The following MYO18B variants were observed in gnomAD, a reference collection of about 807,000 sequenced individuals.
The protein encoded by MYO18B is unconventional myosin-XVIIIb.
MYO18B carries 204 observed loss-of-function variants against 273.0 expected under a neutral mutation model. The ratio of observed to expected loss-of-function variants is 0.75; its 90% CI spans 0.67 to 0.84. The LOEUF (loss-of-function observed/expected upper bound fraction) is 0.84, where lower values mean the gene tolerates loss of function less well. MYO18B is among the 40% of genes least tolerant of loss of function. The pLI is 0.00. For missense variants in MYO18B, 3,212 were observed against 3,287.6 expected, an observed-to-expected ratio of 0.98 and a Z score of 0.56; for synonymous variants, 1,330 against 1,305.7, an observed-to-expected ratio of 1.02 and a Z score of -0.40.
intron 37 of MYO18B, among the ~76,000 whole-genome samples, 169 bp from the exon 38 acceptor site, chr22:25,952,117 T>C (rs762116554): frequency 6.6e-6 from 1 of 152,194 alleles, no homozygotes; most frequent in Non-Finnish European, 1.5e-5. Context: ...GTCCCAAGAT[T>C]GACACCTGGC....
chr22:26,025,861 C>G (rs1000396046), intron 42 of MYO18B, among the ~76,000 whole-genome samples: 10 of 152,246 alleles, frequency 6.6e-5, no homozygotes, highest in Admixed American at 1.3e-4. Flanking sequence ...TAGAAACCGT[C>G]TGTCCTCTTG....
Position 25,823,683 on chromosome 22 carries a change from A to G in MYO18B, c.2695+5A>G, listed in dbSNP as rs370714638. 6.4e-5 allele frequency: 104 copies of G among 1,613,666 alleles called. No individual in the cohort carries two copies. In the African/African-American group the frequency reaches 8.7e-4, roughly 13 times the overall value. On this transcript the variant is annotated splice_donor_5th_base_variant and intron_variant, in intron 13 of 43. Transcript: ENST00000335473. ...AGGATGAGGAAACCAGCTCAGGTAC[A>G]TGGCTGCTGCCTCTTTGGGTGAGCT...
chr22:25,888,218 C>T (rs945590383), intron 25 of MYO18B, among the ~76,000 whole-genome samples: 9 of 152,088 alleles, frequency 5.9e-5, no homozygotes, highest in African/African-American at 2.2e-4. Context: ...CTGAATTATG[C>T]TTTAGAGATC....
chr22:25,755,245 T>TA (rs2086076044), intron 1 of MYO18B, among the ~76,000 whole-genome samples: 1 of 152,184 alleles, frequency 6.6e-6, no homozygotes, highest in Non-Finnish European at 1.5e-5. Flanking sequence ...TCACTCTTGT[T>TA]ACCCAGGCTG....
intron 21 of MYO18B, among the ~76,000 whole-genome samples, chr22:25,861,422 A>G (rs1245416490): frequency 6.6e-6 from 1 of 152,110 alleles, no homozygotes; most frequent in Non-Finnish European, 1.5e-5. Context: ...TTTGTTTTCA[A>G]TTTTAAACAA....
At chr22:25,799,138 T>TGTGTGTGTGTGG (rs2088068227) in intron 12 of MYO18B, among the ~76,000 whole-genome samples, 1 of 150,272 alleles carries the variant, frequency 6.7e-6, no homozygotes, top group African/African-American at 2.5e-5. Context: ...CGTTTGTGTG[T>TGTGTGTGTGTGG]GTGTGTGTGT....
rs761679103 is a variant in MYO18B at position 25,777,700 on chromosome 22, G to T, written c.1987G>T (p.Gly663Cys). ...GAGCATTGTGGCCCTGGGCTGGAGTGGCGCTGGGAAGACCACCTGCTGTGA... is the reference window on the plus strand; with the variant it reads ...GAGCATTGTGGCCCTGGGCTGGAGTTGCGCTGGGAAGACCACCTGCTGTGA... ...DQSIVALGWS[G>C]AGKTTCCEQV... Residue 663 changes from glycine (G) to cysteine (C), a missense_variant, in exon 8 of 44, where the codon GGC becomes TGC. Coordinates refer to ENST00000335473, the MANE Select transcript of MYO18B (RefSeq NM_032608.7). The T allele has an allele frequency of 7.4e-6, 12 of 1,612,838 alleles. No individual in the cohort carries two copies. Among genetic ancestry groups the T allele is most frequent in the Non-Finnish European group, 1.0e-5 (12 of 1,179,308 alleles).
At chr22:25,999,989 A>G (rs1484622471) in intron 40 of MYO18B, among the ~76,000 whole-genome samples, 1 of 152,150 alleles carries the variant, frequency 6.6e-6, no homozygotes, top group Admixed American at 6.5e-5. Flanking sequence ...CACCAAGGGG[A>G]GAGAAAACCA....
chr22:25,896,326 T>C (rs1272449711), intron 28 of MYO18B: 1 of 152,170 alleles, frequency 6.6e-6, no homozygotes, highest in Non-Finnish European at 1.5e-5. Flanking sequence ...CTGAGGTGCA[T>C]GCAGTTCTTT....
chr22:25,952,501 A>G (rs1242811177), intron 38 of MYO18B, 78 bp downstream of exon 38: 2 of 1,549,434 alleles, frequency 1.3e-6, no homozygotes, highest in Non-Finnish European at 1.8e-6. Flanking sequence ...TCCTTCTACT[A>G]CTCATCTATC....
rs371274815 is a variant in MYO18B, at chr22:26,026,506, C to T, written c.6532C>T (p.Arg2178Trp). ...GTCGGCATTGGCACTGAGCAGAGCC[C>T]GGTCCACCAATGTCCACAGCAAGAC... The part of the protein sequence containing the change: ...TQSALALSRA[R>W]STNVHSKTSG... Residue 2178 changes from arginine (R) to tryptophan (W), a missense_variant, in exon 43 of 44, where the codon CGG becomes TGG. Transcript: ENST00000335473. 8.7e-6 allele frequency: 14 copies of T among 1,613,852 alleles called. No homozygotes were observed. The highest frequency in any genetic ancestry group is 5.0e-5 in the Admixed American group (3 of 60,010).
chr22:25,996,319 T>G (rs961771182), intron 40 of MYO18B, among the ~76,000 whole-genome samples: 118 of 152,330 alleles, frequency 7.7e-4, no homozygotes, highest in African/African-American at 2.6e-3. Flanking sequence ...GATAAAGTTT[T>G]ACTGAGCACC....
intron 40 of MYO18B, 145 bp downstream of exon 40, chr22:25,992,638 G>A (rs1230862079): frequency 2.9e-5 from 31 of 1,082,796 alleles, no homozygotes; most frequent in Non-Finnish European, 4.0e-5. Flanking sequence ...GTTTACTTGG[G>A]TAAGGAGAGA....
At chr22:25,746,690 C>G (rs112540900) in intron 1 of MYO18B, among the ~76,000 whole-genome samples, 28 of 152,310 alleles carry the variant, frequency 1.8e-4, no homozygotes, top group African/African-American at 6.3e-4. Flanking sequence ...TAGCCATGAA[C>G]CACGTGGCTC....
chr22:26,018,381 C>T lies in MYO18B; in HGVS notation c.6471-8064C>T, dbSNP rs117275364. On this transcript the variant is annotated intron_variant, in intron 42 of 43. Transcript: ENST00000335473. ...TGCTGCTAATGTCACCTCCTCCTCA[C>T]TTCCCTGCTCCCTTGGCTATCCTTC... Among the ~76,000 whole-genome samples the T allele has an allele frequency of 1.2e-4, 19 of 152,260 alleles. No homozygotes were observed. The East Asian group carries it at 3.1e-3, about 25-fold the overall frequency.
At chr22:25,812,991 C>T (rs970675308) in intron 12 of MYO18B, among the ~76,000 whole-genome samples, 7 of 151,838 alleles carry the variant, frequency 4.6e-5, no homozygotes, top group Non-Finnish European at 8.8e-5. Flanking sequence ...CTCCTTTCCT[C>T]CCACCTCTCT....
At chr22:25,769,950 C>A in intron 4 of MYO18B, 160 bp from the exon 5 acceptor site, 1 of 692,158 alleles carries the variant, frequency 1.4e-6, no homozygotes, top group Non-Finnish European at 2.5e-6. Flanking sequence ...GGGTCCGCAA[C>A]GGGAATCTGC....
intron 18 of MYO18B, among the ~76,000 whole-genome samples, chr22:25,844,908 C>T (rs144596462): frequency 6.4e-4 from 98 of 152,244 alleles, no homozygotes; most frequent in Admixed American, 1.6e-3. Context: ...CGTGGGCAGT[C>T]GCTCTCCCTC....
In MYO18B at chr22:25,881,729, A is replaced by G. The variant is rs148859051; in HGVS notation, c.4314+3681A>G. On this transcript the variant is annotated intron_variant, in intron 25 of 43. Coordinates refer to ENST00000335473, the MANE Select transcript of MYO18B (RefSeq NM_032608.7). ...TCTGCACCCTGAACCAAGCAAACAA[A>G]TGCCAACACCTACAGAATATTCTAC... Among the ~76,000 whole-genome samples the G allele has an allele frequency of 5.6e-3, 860 of 152,286 alleles. 12 individuals carry two copies. Among genetic ancestry groups the G allele is most frequent in the African/African-American group, 0.02 (831 of 41,548 alleles).
Sources: gnomAD v4.1 joint callset for allele counts (sites outside exome capture counted in the v4.1 genomes callset) on GRCh38, gnomAD v4.1.1 for gene constraint, MANE v1.5 for transcripts, NCBI Gene and HGNC (gene_info 2026-07-23, HGNC 2026-07-21) for gene names.